Variants in LGSN observed in about 807,000 individuals in gnomAD.
LGSN encodes the protein lengsin.
A neutral mutation model predicts 19.5 loss-of-function variants in LGSN; 21 were observed. The ratio of observed to expected loss-of-function variants is 1.07; its 90% CI spans 0.76 to 1.55. The LOEUF is 1.55. LGSN is among the 40% of genes most tolerant of loss of function. LGSN has a pLI of 0.00. For missense variants in LGSN, 673 were observed against 608.5 expected (o/e 1.11, Z -1.12); for synonymous variants, 257 against 215.6 (o/e 1.19, Z -1.68).
the LGSN span, among the ~76,000 whole-genome samples, chr6:63,510,889 G>C: frequency 6.6e-6 from 1 of 151,912 alleles, no homozygotes; most frequent in Non-Finnish European, 1.5e-5. Flanking sequence ...GGCCAGGGCT[G>C]GTCTTAAACT....
the LGSN span, among the ~76,000 whole-genome samples, chr6:63,510,366 A>G: frequency 1.1e-3 from 170 of 152,154 alleles, no homozygotes; most frequent in African/African-American, 3.7e-3. Context: ...GTACTTTCCC[A>G]GGGAGAAGGA....
chr6:63,407,355 G>A, the LGSN span, among the ~76,000 whole-genome samples: 4 of 151,874 alleles, frequency 2.6e-5, no homozygotes, highest in Admixed American at 2.6e-4. Context: ...TTCATCCCTG[G>A]GATGCAAGGC....
At chr6:63,494,074 C>T in the LGSN span, among the ~76,000 whole-genome samples, 1 of 151,892 alleles carries the variant, frequency 6.6e-6, no homozygotes, top group Non-Finnish European at 1.5e-5. Flanking sequence ...CTCAGCCTCC[C>T]AAGTAGCTGG....
At chr6:63,357,195 G>C in the LGSN span, among the ~76,000 whole-genome samples, 40 of 152,154 alleles carry the variant, frequency 2.6e-4, 2 homozygotes, top group South Asian at 7.3e-3. Context: ...GTATTCCATG[G>C]TGTATATGTG....
the LGSN span, among the ~76,000 whole-genome samples, chr6:63,349,493 G>T: frequency 1.3e-5 from 2 of 152,136 alleles, no homozygotes; most frequent in African/African-American, 4.8e-5. Context: ...AATCAGTTAA[G>T]GTTGAGAAAC....
the LGSN span, among the ~76,000 whole-genome samples, chr6:63,475,747 A>G: frequency 6.6e-6 from 1 of 152,232 alleles, no homozygotes; most frequent in Non-Finnish European, 1.5e-5. Flanking sequence ...GAAGCAGCAC[A>G]TCAACAACAA....
chr6:63,511,625 A>G, the LGSN span, among the ~76,000 whole-genome samples: 1 of 152,206 alleles, frequency 6.6e-6, no homozygotes, highest in Non-Finnish European at 1.5e-5. Flanking sequence ...AAATTTTGAC[A>G]GTTTATAGTT....
At chr6:63,454,400 A>C in the LGSN span, among the ~76,000 whole-genome samples, 1 of 152,136 alleles carries the variant, frequency 6.6e-6, no homozygotes, top group Non-Finnish European at 1.5e-5. Flanking sequence ...CAGCTTAAGT[A>C]AACTAGTAAT....
chr6:63,341,741 CT>C, the LGSN span, among the ~76,000 whole-genome samples: 3 of 151,312 alleles, frequency 2.0e-5, no homozygotes, highest in East Asian at 1.9e-4. Context: ...TTTGCTTTGC[CT>C]TTTTTTTTCT....
chr6:63,403,019 G>A, the LGSN span, among the ~76,000 whole-genome samples: 4 of 151,722 alleles, frequency 2.6e-5, no homozygotes, highest in African/African-American at 9.7e-5. Flanking sequence ...TTTTATACTT[G>A]TCAAGCCCCA....
the LGSN span, among the ~76,000 whole-genome samples, chr6:63,421,660 G>A: frequency 1.1e-3 from 174 of 152,082 alleles, no homozygotes; most frequent in African/African-American, 3.5e-3. Flanking sequence ...CCCGGGAGGC[G>A]GAGGTTGCAA....
chr6:63,302,913 G>T (rs115470996), intron 1 of LGSN, among the ~76,000 whole-genome samples: 1 of 151,974 alleles, frequency 6.6e-6, no homozygotes, highest in African/African-American at 2.4e-5. Flanking sequence ...GATCACTCGA[G>T]GTCAGGAGTT....
the LGSN span, among the ~76,000 whole-genome samples, chr6:63,328,805 G>T: frequency 6.6e-6 from 1 of 152,212 alleles, no homozygotes; most frequent in African/African-American, 2.4e-5. Flanking sequence ...TACTAGATGA[G>T]TATTTGCCCT....
At chr6:63,394,240 G>A in the LGSN span, among the ~76,000 whole-genome samples, 4 of 152,124 alleles carry the variant, frequency 2.6e-5, no homozygotes, top group Admixed American at 1.3e-4. Flanking sequence ...CTCCAGCCTG[G>A]GCAACAGAGC....
chr6:63,420,943 TGAA>T, the LGSN span, among the ~76,000 whole-genome samples: 1 of 150,856 alleles, frequency 6.6e-6, no homozygotes. Flanking sequence ...ATAAAGAAAA[TGAA>T]GAAAAATCAA....
the LGSN span, chr6:63,480,434 A>G: frequency 4.9e-5 from 9 of 185,104 alleles, no homozygotes; most frequent in African/African-American, 2.1e-4. Context: ...TGACAATGAC[A>G]TTTATCTATT....
the LGSN span, among the ~76,000 whole-genome samples, chr6:63,519,471 C>T: frequency 6.6e-6 from 1 of 152,132 alleles, no homozygotes. Context: ...TGTACTATGT[C>T]CTGTCTTACC....
At chr6:63,518,675 T>C in the LGSN span, among the ~76,000 whole-genome samples, 2 of 152,214 alleles carry the variant, frequency 1.3e-5, no homozygotes, top group Admixed American at 6.5e-5. Context: ...AGGTTCTTTC[T>C]AGCAAGCCAT....
the LGSN span, among the ~76,000 whole-genome samples, chr6:63,526,831 A>T: frequency 2.3e-5 from 3 of 132,354 alleles, no homozygotes; most frequent in Non-Finnish European, 4.8e-5. Context: ...ATATATATAT[A>T]TATATTTATT....
Sources: gnomAD v4.1 joint callset for allele counts (sites outside exome capture counted in the v4.1 genomes callset) on GRCh38, gnomAD v4.1.1 for gene constraint, MANE v1.5 for transcripts, NCBI Gene and HGNC (gene_info 2026-07-23, HGNC 2026-07-21) for gene names.